CLU: variants seen among roughly 807,000 people sequenced by gnomAD.
CLU encodes the protein aging-associated protein 4.
Under a neutral mutation model 46.4 loss-of-function variants are expected in CLU, and 25 were observed. The observed-to-expected ratio is 0.54, with a 90% CI of 0.39 to 0.75. CLU has a LOEUF of 0.75. Ranked by LOEUF, CLU falls within the 30% of genes least tolerant of loss-of-function variation. The probability of loss-of-function intolerance (pLI) is 0.00; values close to 1 mark genes in which losing one functional copy is unlikely to be tolerated. For synonymous variants in CLU, 235 were observed against 235.1 expected, an observed-to-expected ratio of 1.00 and a Z score of 0.00; for missense variants, 504 against 592.1, an observed-to-expected ratio of 0.85 and a Z score of 1.54.
intron 1 of CLU, chr8:27,611,098 C>T (rs1369317397): frequency 7.1e-6 from 3 of 421,366 alleles, no homozygotes; most frequent in African/African-American, 4.0e-5. Context: ...CCAGCAGACG[C>T]TCCCCATTCA....
intron 2 of CLU, among the ~76,000 whole-genome samples, chr8:27,610,266 C>T (rs1342206009): frequency 1.3e-5 from 2 of 152,128 alleles, no homozygotes; most frequent in African/African-American, 2.4e-5. Flanking sequence ...CTGCAAATGC[C>T]GGCAGTCTGA....
At chr8:27,611,629 G>C in intron 1 of CLU, 1 of 457,476 alleles carries the variant, frequency 2.2e-6, no homozygotes, top group Non-Finnish European at 4.4e-6. Context: ...CCAACAGGAC[G>C]ATGGGGTTCC....
chr8:27,601,029 G>A (rs1290373753), intron 6 of CLU, among the ~76,000 whole-genome samples: 7 of 152,182 alleles, frequency 4.6e-5, no homozygotes, highest in African/African-American at 1.4e-4. Context: ...CCCTGGATCT[G>A]TGGTTCTGGA....
chr8:27,605,196 A>T lies in CLU; in HGVS notation c.557T>A (p.Ile186Asn). The change falls in exon 5 of 9, where the codon ATC (isoleucine) becomes AAC (asparagine). Residue 186 changes from isoleucine (I) to asparagine (N), a missense_variant. Transcript: ENST00000316403. ...CCTGTCCTGGAAGAGCTCGTCTATG[A>T]TGCTGGACGCGCGGCTGAAGTGGTC... The part of the protein sequence containing the change: ...MQDHFSRASS[I>N]IDELFQDRFF... 6.2e-7 allele frequency: 1 copy of T among 1,614,182 alleles called. No individual in the cohort carries two copies. The highest frequency in any genetic ancestry group is 8.5e-7 in the Non-Finnish European group (1 of 1,180,026).
At chr8:27,606,214 C>T (rs1800819096) in intron 4 of CLU, 140 bp downstream of exon 4, 1 of 914,940 alleles carries the variant, frequency 1.1e-6, no homozygotes, top group Non-Finnish European at 1.7e-6. Flanking sequence ...TCATGCCAGA[C>T]ATTACCAATG....
At chr8:27,612,770 G>A (rs1347755787) in intron 1 of CLU, among the ~76,000 whole-genome samples, 1 of 151,960 alleles carries the variant, frequency 6.6e-6, no homozygotes, top group Non-Finnish European at 1.5e-5. Context: ...CTGGGAGCCT[G>A]GCTGCCAGCT....
intron 3 of CLU, chr8:27,608,606 C>T (rs952283374): frequency 3.8e-5 from 19 of 495,594 alleles, no homozygotes; most frequent in African/African-American, 1.7e-4. Context: ...GAAGGTTGGA[C>T]GCCACGCCTG....
At chr8:27,604,497 G>GA in intron 5 of CLU, 102 bp from the exon 6 acceptor site, 1 of 976,448 alleles carries the variant, frequency 1.0e-6, no homozygotes, top group Non-Finnish European at 1.6e-6. Context: ...TTTACAGACA[G>GA]GGTCTCACTC....
chr8:27,605,451 G>T (rs1800805337), intron 4 of CLU, 116 bp from the exon 5 acceptor site: 1 of 1,080,988 alleles, frequency 9.3e-7, no homozygotes, highest in Non-Finnish European at 1.4e-6. Context: ...CAGTCACACA[G>T]CAAGTGACCA....
At position 27,610,530 on chromosome 8, in the gene CLU, G is replaced by A; in HGVS notation, c.42C>T (p.Thr14=). The A allele has an allele frequency of 6.2e-7, 1 of 1,614,232 alleles. No individual in the cohort carries two copies. Among genetic ancestry groups the A allele is most frequent in the Middle Eastern group, 1.6e-4 (1 of 6,062 alleles). The change falls in exon 2 of 9, where the codon ACC becomes ACT. Residue 14 remains threonine, a synonymous_variant. Coordinates refer to ENST00000316403, the MANE Select transcript of CLU (RefSeq NM_001831.4). ...CCCCCAGGACCTGCCCACTCTCCCA[G>A]GTCAGCAGCAGCCCCACAAACAGCA... is the stretch of plus-strand genomic sequence containing the variant. The part of the protein sequence containing the change: ...TLLLFVGLLL[T]WESGQVLGDQ...
Position 27,605,288 on chromosome 8 carries a change from A to G in CLU, c.465T>C (p.Asn155=), listed in dbSNP as rs1800801816. ...CCAGCAGGGAGTCGATGCGGTCACC[A>G]TTCATCCAGAAGTAGAAGGGCGAGC... is the stretch of plus-strand genomic sequence containing the variant. The part of the protein sequence containing the change: ...NQSSPFYFWM[N]GDRIDSLLEN... The change falls in exon 5 of 9, where the codon AAT becomes AAC. Residue 155 remains asparagine, a synonymous_variant. Coordinates refer to ENST00000316403, the MANE Select transcript of CLU (RefSeq NM_001831.4). 6.2e-7 allele frequency: 1 copy of G among 1,614,178 alleles called. No individual in the cohort carries two copies. Among genetic ancestry groups the G allele is most frequent in the Non-Finnish European group, 8.5e-7 (1 of 1,180,018 alleles).
intron 3 of CLU, 67 bp downstream of exon 3, chr8:27,608,871 C>T: frequency 6.3e-7 from 1 of 1,576,488 alleles, no homozygotes; most frequent in Non-Finnish European, 8.7e-7. Context: ...GGGCACCGCG[C>T]AGTGACCCCC....
In CLU at chr8:27,598,374, A is replaced by C; in HGVS notation, c.1340+86T>G. On this transcript the variant is annotated intron_variant, in intron 8 of 8. Coordinates refer to ENST00000316403, the MANE Select transcript of CLU (RefSeq NM_001831.4). ...CGGGCGGAGTCGTTCCCACCAGGCT[A>C]TAGAGTCTGCACTTTGTTTGTTTTT... is the stretch of plus-strand genomic sequence containing the variant. 3 of 1,596,244 alleles carry C rather than the reference A, an allele frequency of 1.9e-6. No individual in the cohort carries two copies. In the South Asian group the frequency reaches 3.3e-5, roughly 18 times the overall value.
At chr8:27,605,844 T>C (rs1800812192) in intron 4 of CLU, among the ~76,000 whole-genome samples, 1 of 151,902 alleles carries the variant, frequency 6.6e-6, no homozygotes, top group South Asian at 2.1e-4. Flanking sequence ...GAGACCAGCC[T>C]GGGCAACATG....
Position 27,601,822 on chromosome 8 carries a change from A to AGCTAGGCGTGCTG in CLU, c.935-1814_935-1813insCAGCACGCCTAGC, listed in dbSNP as rs1554531625. On this transcript the variant is annotated intron_variant, in intron 6 of 8. Transcript: ENST00000316403. Reference sequence around the variant, plus strand: ...AAAAAATTTAAAAATAAGAAAAACTAGCTCACACCTGTAATCCCAGCACTT... The same window carrying AGCTAGGCGTGCTG: ...AAAAAATTTAAAAATAAGAAAAACTAGCTAGGCGTGCTGGCTCACACCTGTAATCCCAGCACTT... Among the ~76,000 whole-genome samples the AGCTAGGCGTGCTG allele has an allele frequency of 1.3e-4, 19 of 151,916 alleles. 1 individual carries two copies. The highest frequency in any genetic ancestry group is 4.6e-4 in the African/African-American group (19 of 41,316).
At chr8:27,598,379 G>A in intron 8 of CLU, 81 bp downstream of exon 8, 3 of 1,599,800 alleles carry the variant, frequency 1.9e-6, no homozygotes, top group Non-Finnish European at 2.6e-6. Flanking sequence ...AGGCTATAGA[G>A]TCTGCACTTT....
intron 6 of CLU, among the ~76,000 whole-genome samples, chr8:27,601,795 A>G (rs148685891): frequency 1.5e-3 from 221 of 151,440 alleles, no homozygotes; most frequent in Middle Eastern, 3.4e-3. Flanking sequence ...TATTTTACCA[A>G]AAAAAAATTT....
At chr8:27,604,899 G>A (rs921343112) in intron 5 of CLU, 25 bp downstream of exon 5, 4 of 1,613,566 alleles carry the variant, frequency 2.5e-6, no homozygotes, top group Non-Finnish European at 3.4e-6. Context: ...TGCTCAAAAG[G>A]CCATGAGCTT....
In CLU at chr8:27,603,972, T is replaced by A. The variant is rs570123084; in HGVS notation, c.934+319A>T. 3.9e-5 allele frequency among the ~76,000 whole-genome samples: 6 copies of A among 152,304 alleles called. No individual in the cohort carries two copies. In the South Asian group the frequency reaches 1.2e-3, roughly 32 times the overall value. On this transcript the variant is annotated intron_variant, in intron 6 of 8. Transcript: ENST00000316403. Reference sequence around the variant, plus strand: ...CTGCGCTTGGCGCTTGGGAACAGAATCACCGGGGAGTCCCAGGGGGATGAC... The same window carrying A: ...CTGCGCTTGGCGCTTGGGAACAGAAACACCGGGGAGTCCCAGGGGGATGAC...
Sources: allele counts gnomAD v4.1 joint callset (sites outside exome capture counted in the v4.1 genomes callset), GRCh38; gene constraint gnomAD v4.1.1; transcripts MANE v1.5; gene names NCBI Gene and HGNC (gene_info 2026-07-23, HGNC 2026-07-21).